The following ELMO1 variants were observed in gnomAD, a reference collection of about 807,000 sequenced individuals.
ELMO1 encodes the protein engulfment and cell motility protein 1.
ELMO1 carries 26 observed loss-of-function variants against 98.9 expected under a neutral mutation model. That is an observed-to-expected ratio of 0.26 (90% CI 0.19 to 0.36). The LOEUF (loss-of-function observed/expected upper bound fraction) is 0.36, where lower values mean the gene tolerates loss of function less well. Among genes scored for constraint, ELMO1 ranks in the 10% least tolerant of loss-of-function variants. ELMO1 has a pLI of 1.00. For synonymous variants in ELMO1, 346 were observed against 346.0 expected (o/e 1.00, Z 0.00); for missense variants, 627 against 935.2 (o/e 0.67, Z 4.30).
At chr7:37,120,372 C>G (rs1207442031) in intron 14 of ELMO1, among the ~76,000 whole-genome samples, 1 of 152,238 alleles carries the variant, frequency 6.6e-6, no homozygotes, top group East Asian at 1.9e-4. Flanking sequence ...ATTCCCTTTC[C>G]TAGCCAAGGG....
intron 20 of ELMO1, among the ~76,000 whole-genome samples, chr7:36,862,723 T>C (rs1328694772): frequency 1.3e-5 from 2 of 152,202 alleles, no homozygotes; most frequent in East Asian, 3.8e-4. Context: ...CCAGTGTGCC[T>C]TCCTTCTCTG....
intron 16 of ELMO1, among the ~76,000 whole-genome samples, chr7:36,915,754 A>G (rs1441584238): frequency 1.3e-5 from 2 of 152,214 alleles, no homozygotes. Flanking sequence ...GACCTGATCA[A>G]TAAGGAGGAT....
At chr7:37,020,178 G>A (rs534490867) in intron 15 of ELMO1, among the ~76,000 whole-genome samples, 19 of 152,272 alleles carry the variant, frequency 1.2e-4, no homozygotes, top group African/African-American at 4.6e-4. Context: ...CTGCAAATGA[G>A]TTGGGCTAAT....
intron 16 of ELMO1, among the ~76,000 whole-genome samples, chr7:36,972,041 G>GC (rs1053263956): frequency 5.9e-5 from 9 of 152,070 alleles, no homozygotes; most frequent in African/African-American, 2.2e-4. Flanking sequence ...TTGCTTTCTG[G>GC]CCCCCCAACA....
chr7:37,415,900 A>G (rs1225675712), intron 1 of ELMO1, among the ~76,000 whole-genome samples: 1 of 152,248 alleles, frequency 6.6e-6, no homozygotes, highest in African/African-American at 2.4e-5. Context: ...CCCAATAACT[A>G]CAGCACAGCT....
intron 16 of ELMO1, among the ~76,000 whole-genome samples, chr7:36,965,330 C>G (rs997031058): frequency 6.6e-6 from 1 of 152,156 alleles, no homozygotes; most frequent in Non-Finnish European, 1.5e-5. Context: ...TTATCATAGG[C>G]ACCGAATAAA....
At chr7:36,891,897 A>G (rs1584321416) in intron 17 of ELMO1, among the ~76,000 whole-genome samples, 2 of 152,130 alleles carry the variant, frequency 1.3e-5, no homozygotes, top group African/African-American at 4.8e-5. Flanking sequence ...TCTCCAGCAT[A>G]GTGTTAAATG....
rs577435199 is a variant in ELMO1, at chr7:37,109,126, G to A, written c.1192-12399C>T. ...TCCCACAGAGAATACAAGCTGGGGG[G>A]AAAACTCACTTGGAGACTCTCTGCA... is the stretch of plus-strand genomic sequence containing the variant. On this transcript the variant is annotated intron_variant, in intron 14 of 21. Transcript: ENST00000310758. Among the ~76,000 whole-genome samples, 14 of 152,182 alleles carry A rather than the reference G, an allele frequency of 9.2e-5. No homozygotes were observed. In the South Asian group the frequency reaches 1.5e-3, roughly 16 times the overall value.
chr7:37,208,682 T>G (rs960537956), intron 13 of ELMO1, among the ~76,000 whole-genome samples: 2 of 152,220 alleles, frequency 1.3e-5, no homozygotes, highest in African/African-American at 4.8e-5. Context: ...CATGCGGTTC[T>G]GTTTACTGAG....
intron 2 of ELMO1, among the ~76,000 whole-genome samples, chr7:37,317,167 A>G (rs1266392638): frequency 6.6e-6 from 1 of 152,184 alleles, no homozygotes; most frequent in African/African-American, 2.4e-5. Flanking sequence ...ACGTGATGCT[A>G]TCTACGCCTG....
At position 37,287,902 on chromosome 7, in the gene ELMO1, G is replaced by A. The variant is rs527484916; in HGVS notation, c.193-16020C>T. ...TGCTGGCTGTTTCTTTTCCTACAATGCTAGGGTCTGGCTCCCTGTTATCCT... is the reference window on the plus strand; with the variant it reads ...TGCTGGCTGTTTCTTTTCCTACAATACTAGGGTCTGGCTCCCTGTTATCCT... On this transcript the variant is annotated intron_variant, in intron 4 of 21. Coordinates refer to ENST00000310758, the MANE Select transcript of ELMO1 (RefSeq NM_014800.11). Among the ~76,000 whole-genome samples the A allele has an allele frequency of 2.1e-4, 32 of 152,256 alleles. No homozygotes were observed. The East Asian group carries it at 5.8e-3, about 28-fold the overall frequency.
intron 1 of ELMO1, among the ~76,000 whole-genome samples, chr7:37,414,424 A>T (rs531062616): frequency 1.3e-5 from 2 of 152,346 alleles, no homozygotes; most frequent in South Asian, 4.1e-4. Flanking sequence ...GGACGGATAA[A>T]TTCATTAATC....
At chr7:37,002,298 C>T (rs978385316) in intron 16 of ELMO1, 3 of 152,222 alleles carry the variant, frequency 2.0e-5, no homozygotes, top group Non-Finnish European at 4.4e-5. Flanking sequence ...CAAGCAAGTT[C>T]ACTTGGCCAA....
At chr7:37,021,664 T>C (rs1794274759) in intron 15 of ELMO1, among the ~76,000 whole-genome samples, 2 of 151,306 alleles carry the variant, frequency 1.3e-5, no homozygotes, top group Admixed American at 6.6e-5. Flanking sequence ...TATATCCCCA[T>C]TAAAAAAAAA....
At position 36,887,689 on chromosome 7, in the gene ELMO1, A is replaced by G; in HGVS notation, c.1602-17T>C. The G allele has an allele frequency of 1.2e-6, 2 of 1,610,240 alleles. No homozygotes were observed. Among genetic ancestry groups the G allele is most frequent in the Non-Finnish European group, 1.7e-6 (2 of 1,176,564 alleles). On this transcript the variant is annotated splice_polypyrimidine_tract_variant and intron_variant, in intron 17 of 21. Coordinates refer to ENST00000310758, the MANE Select transcript of ELMO1 (RefSeq NM_014800.11). ...TTTAGTTCCCTGTTAGAGGAAAAACACATATTCCACAGCATGCCTTGAGAA... is the reference window on the plus strand; with the variant it reads ...TTTAGTTCCCTGTTAGAGGAAAAACGCATATTCCACAGCATGCCTTGAGAA...
At chr7:36,997,772 G>A (rs1792328997) in intron 16 of ELMO1, 1 of 152,586 alleles carries the variant, frequency 6.6e-6, no homozygotes, top group Non-Finnish European at 1.5e-5. Flanking sequence ...GAGGGCCTCA[G>A]GGAATGCCTG....
At chr7:37,394,074 T>C (rs1230504054) in intron 1 of ELMO1, among the ~76,000 whole-genome samples, 1 of 152,212 alleles carries the variant, frequency 6.6e-6, no homozygotes, top group Non-Finnish European at 1.5e-5. Flanking sequence ...TACTCATTCA[T>C]TCATTCATTC....
At chr7:37,137,027 C>T (rs1787308595) in intron 13 of ELMO1, among the ~76,000 whole-genome samples, 1 of 152,052 alleles carries the variant, frequency 6.6e-6, no homozygotes, top group Non-Finnish European at 1.5e-5. Flanking sequence ...AAGAGACTCA[C>T]CTAACACATA....
At chr7:36,880,421 A>G (rs1264463400) in intron 18 of ELMO1, among the ~76,000 whole-genome samples, 1 of 152,232 alleles carries the variant, frequency 6.6e-6, no homozygotes, top group East Asian at 1.9e-4. Flanking sequence ...TAATACAAAC[A>G]CATATTATTG....
Sources: gnomAD v4.1 joint callset for allele counts (sites outside exome capture counted in the v4.1 genomes callset) on GRCh38, gnomAD v4.1.1 for gene constraint, MANE v1.5 for transcripts, NCBI Gene and HGNC (gene_info 2026-07-23, HGNC 2026-07-21) for gene names.